The following CHUK variants were observed in gnomAD, a reference collection of about 807,000 sequenced individuals.
The protein encoded by CHUK is component of inhibitor of nuclear factor kappa B kinase complex.
A neutral mutation model predicts 104.8 loss-of-function variants in CHUK; 35 were observed. The observed-to-expected ratio is 0.33, with a 90% CI of 0.26 to 0.44. The LOEUF (loss-of-function observed/expected upper bound fraction) is 0.44. Among genes scored for constraint, CHUK ranks in the 20% least tolerant of loss-of-function variants. CHUK has a pLI of 1.00. For synonymous variants in CHUK, 276 were observed against 291.9 expected, an observed-to-expected ratio of 0.95 and a Z score of 0.56; for missense variants, 663 against 902.7, an observed-to-expected ratio of 0.73 and a Z score of 3.40.
intron 20 of CHUK, chr10:100,190,528 T>G (rs1305194605): frequency 6.4e-6 from 2 of 314,346 alleles, no homozygotes; most frequent in African/African-American, 4.3e-5. Flanking sequence ...ATATCTGAAT[T>G]AAAGTACAAG....
intron 10 of CHUK, among the ~76,000 whole-genome samples, chr10:100,209,055 G>A (rs975771005): frequency 3.3e-5 from 5 of 152,102 alleles, no homozygotes; most frequent in Non-Finnish European, 7.4e-5. Context: ...CCAGCACCTG[G>A]ACCCATTTAG....
chr10:100,189,208 A>G lies in CHUK; in HGVS notation c.*390T>C, dbSNP rs1268123910. 5.6e-6 allele frequency: 1 copy of G among 178,768 alleles called. No homozygotes were observed. The highest frequency in any genetic ancestry group is 1.2e-5 in the Non-Finnish European group (1 of 83,996). The allele number at this position is 178,768 out of a possible 1,614,324, so 11.1% of individuals were successfully genotyped here. On this transcript the variant is annotated 3_prime_UTR_variant, in exon 21 of 21. Transcript: ENST00000370397. ...TTACTTGAGGTTTTCTTCTCTGTATACAAAACTACATTTGGTCTTACGCCC... is the reference window on the plus strand; with the variant it reads ...TTACTTGAGGTTTTCTTCTCTGTATGCAAAACTACATTTGGTCTTACGCCC...
intron 1 of CHUK, among the ~76,000 whole-genome samples, chr10:100,227,345 A>G (rs193208665): frequency 5.3e-5 from 8 of 152,376 alleles, no homozygotes; most frequent in Admixed American, 5.2e-4. Context: ...CTAACTGTAC[A>G]CTTAAAAATA....
rs1005660198 is a variant in CHUK, at chr10:100,189,468, T to C, written c.*130A>G. Reference sequence around the variant, plus strand: ...CATGTTCTTCTGATCATAGTAGAAATGTAGTTTCTGTTCATAGCCATTTCT... The same window carrying C: ...CATGTTCTTCTGATCATAGTAGAAACGTAGTTTCTGTTCATAGCCATTTCT... On this transcript the variant is annotated 3_prime_UTR_variant, in exon 21 of 21. Coordinates refer to ENST00000370397, the MANE Select transcript of CHUK (RefSeq NM_001278.5). 1.8e-5 allele frequency: 14 copies of C among 764,752 alleles called. No homozygotes were observed. The highest frequency in any genetic ancestry group is 1.5e-4 in the Admixed American group (8 of 54,868). 47.4% of individuals were successfully genotyped at this position (764,752 alleles called of 1,614,324 possible).
chr10:100,229,283 TACAC>T (rs1846180492), intron 1 of CHUK, 141 bp downstream of exon 1: 2 of 697,328 alleles, frequency 2.9e-6, no homozygotes, highest in South Asian at 3.1e-5. Flanking sequence ...TTCTCTCTAA[TACAC>T]ACACACAAGC....
chr10:100,213,205 G>A (rs1382903031), intron 9 of CHUK, among the ~76,000 whole-genome samples: 3 of 151,896 alleles, frequency 2.0e-5, no homozygotes, highest in Non-Finnish European at 4.4e-5. Flanking sequence ...ATTAGGCTGG[G>A]CGCGGTGGCT....
intron 10 of CHUK, among the ~76,000 whole-genome samples, chr10:100,207,869 A>AT (rs2134226460): frequency 6.6e-6 from 1 of 152,310 alleles, no homozygotes; most frequent in East Asian, 1.9e-4. Flanking sequence ...TTAAAAAAAA[A>AT]TCACTGTAAT....
intron 19 of CHUK, among the ~76,000 whole-genome samples, chr10:100,191,763 A>G (rs12764617): frequency 0.075 from 11,448 of 152,338 alleles, 585 homozygotes; most frequent in African/African-American, 0.14. Context: ...ATGGTCAAAC[A>G]GTTCCCAATC....
chr10:100,208,523 C>T (rs1370220172), intron 10 of CHUK, among the ~76,000 whole-genome samples: 2 of 150,280 alleles, frequency 1.3e-5, no homozygotes, highest in African/African-American at 2.4e-5. Flanking sequence ...AAAGAGTGGC[C>T]GGGTGCAGTG....
chr10:100,190,890 C>T lies in CHUK; in HGVS notation c.2187G>A (p.Glu729=). Residue 729 remains glutamate (E), a synonymous_variant, in exon 20 of 21, where the codon GAG becomes GAA. Coordinates refer to ENST00000370397, the MANE Select transcript of CHUK (RefSeq NM_001278.5). ...TTACCATCATACTATTGCCCTGTTC[C>T]TCATTTGCCTCATGAATAATAGTGC... The part of the protein sequence containing the change: ...HLSTIIHEAN[E]EQGNSMMNLD... The T allele has an allele frequency of 6.2e-7, 1 of 1,608,410 alleles. No homozygotes were observed. The highest frequency in any genetic ancestry group is 8.5e-7 in the Non-Finnish European group (1 of 1,174,724).
intron 14 of CHUK, 86 bp from the exon 15 acceptor site, chr10:100,200,866 G>T (rs1008551551): frequency 6.4e-6 from 5 of 778,146 alleles, no homozygotes; most frequent in Non-Finnish European, 1.2e-5. Flanking sequence ...GATACAGAAT[G>T]ACTTGCTGCT....
chr10:100,204,375 T>TA, intron 13 of CHUK, 131 bp downstream of exon 13: 1 of 769,106 alleles, frequency 1.3e-6, no homozygotes, highest in South Asian at 1.5e-5. Flanking sequence ...TGGTTTATGT[T>TA]AATTTAAGTT....
intron 13 of CHUK, among the ~76,000 whole-genome samples, chr10:100,203,196 T>C (rs570882521): frequency 1.2e-4 from 19 of 152,294 alleles, no homozygotes; most frequent in African/African-American, 4.6e-4. Flanking sequence ...CATAGACACA[T>C]AGCCTGCTCC....
At chr10:100,196,291 C>T (rs1280571320) in intron 16 of CHUK, among the ~76,000 whole-genome samples, 1 of 152,030 alleles carries the variant, frequency 6.6e-6, no homozygotes, top group Non-Finnish European at 1.5e-5. Context: ...TCTATCAGTT[C>T]CTGTATCCAA....
At chr10:100,218,927 C>A in intron 7 of CHUK, 81 bp downstream of exon 7, 1 of 1,551,210 alleles carries the variant, frequency 6.4e-7, no homozygotes, top group Non-Finnish European at 8.9e-7. Context: ...GGCAATTAAA[C>A]AATTAAAGAA....
chr10:100,199,766 TTC>T (rs1845420416), intron 16 of CHUK, among the ~76,000 whole-genome samples: 1 of 152,210 alleles, frequency 6.6e-6, no homozygotes, highest in African/African-American at 2.4e-5. Flanking sequence ...CTACCTCACG[TTC>T]TCTGTTACTT....
chr10:100,224,503 C>T (rs939189885), intron 2 of CHUK, among the ~76,000 whole-genome samples: 1 of 152,076 alleles, frequency 6.6e-6, no homozygotes, highest in Non-Finnish European at 1.5e-5. Flanking sequence ...GTGGTATGAT[C>T]TCAGCTTACC....
At chr10:100,220,117 T>C (rs1217042214) in intron 5 of CHUK, among the ~76,000 whole-genome samples, 1 of 152,202 alleles carries the variant, frequency 6.6e-6, no homozygotes, top group East Asian at 1.9e-4. Context: ...CTTCTCCAGA[T>C]GACTCATTTA....
rs376613214 is a variant in CHUK at position 100,222,986 on chromosome 10, A to G, written c.201-6T>C. On this transcript the variant is annotated splice_polypyrimidine_tract_variant and splice_region_variant and intron_variant, in intron 2 of 20. Transcript: ENST00000370397. ...CAACATTGGCATGGTTCAACCTAAT[A>G]AGAAAGAAAAACATTACAATAAAAA... 1.3e-5 allele frequency: 19 copies of G among 1,415,702 alleles called. No homozygotes were observed. In the African/African-American group the frequency reaches 1.4e-4, roughly 10 times the overall value. The allele number at this position is 1,415,702 out of a possible 1,614,324, so 87.7% of individuals were successfully genotyped here. A position where few individuals can be genotyped will look rare whatever the true frequency, so the allele number is the denominator to read the frequency against.
Sources: allele counts gnomAD v4.1 joint callset (sites outside exome capture counted in the v4.1 genomes callset), GRCh38; gene constraint gnomAD v4.1.1; transcripts MANE v1.5; gene names NCBI Gene and HGNC (gene_info 2026-07-23, HGNC 2026-07-21).